Variants in DENND10 observed in about 807,000 individuals in gnomAD.
DENND10 encodes the protein DENN domain-containing protein 10.
A neutral mutation model predicts 43.6 loss-of-function variants in DENND10; 24 were observed. The observed-to-expected ratio is 0.55, with a 90% confidence interval of 0.40 to 0.77. The LOEUF (loss-of-function observed/expected upper bound fraction) is 0.77, where lower values mean the gene tolerates loss of function less well. Ranked by LOEUF, DENND10 falls within the 30% of genes least tolerant of loss-of-function variation. The pLI is 0.00. For missense variants in DENND10, 303 were observed against 429.9 expected, an observed-to-expected ratio of 0.70 and a Z score of 2.61; for synonymous variants, 125 against 157.6, an observed-to-expected ratio of 0.79 and a Z score of 1.55.
chr10:119,122,090 T>C (rs1289843437), intron 5 of DENND10, among the ~76,000 whole-genome samples: 1 of 152,058 alleles, frequency 6.6e-6, no homozygotes, highest in Non-Finnish European at 1.5e-5. Context: ...GCAGATTGCC[T>C]GAGACCAGAA....
chr10:119,108,626 G>A (rs904881535), intron 2 of DENND10, among the ~76,000 whole-genome samples: 5 of 152,004 alleles, frequency 3.3e-5, no homozygotes, highest in African/African-American at 1.2e-4. Flanking sequence ...GTGGTGAGCA[G>A]TACAGCAATA....
chr10:119,123,523 C>G lies in DENND10; in HGVS notation c.648C>G (p.Tyr216Ter), dbSNP rs1369437569. Residue 216 changes from tyrosine to a stop codon, truncating the protein, a stop_gained, in exon 6 of 9, where the codon TAC (tyrosine) becomes TAG (stop). Coordinates refer to ENST00000361432, the MANE Select transcript of DENND10 (RefSeq NM_207009.4). LOFTEE classifies it high-confidence loss of function. ...AGGACTGGACCATCCTTCACTCTTA[C>G]GTGCACCTCAACGCCGATGAGCTGG... ...HRQDWTILHS[Y>*]VHLNADELEA... 25 of 1,613,582 alleles carry G rather than the reference C, an allele frequency of 1.5e-5. No homozygotes were observed. The highest frequency in any genetic ancestry group is 2.0e-5 in the Non-Finnish European group (24 of 1,179,936).
intron 6 of DENND10, 143 bp from the exon 7 acceptor site, chr10:119,129,372 T>A: frequency 1.6e-6 from 1 of 623,388 alleles, no homozygotes. Flanking sequence ...GTAGTCTTAC[T>A]AACTGCCACA....
At chr10:119,104,318 C>A in intron 1 of DENND10, 121 bp downstream of exon 1, 1 of 934,490 alleles carries the variant, frequency 1.1e-6, no homozygotes, top group Non-Finnish European at 1.5e-6. Context: ...AGGGCGCGGC[C>A]CCCTCCCTGT....
chr10:119,115,572 G>A (rs562755499), intron 3 of DENND10, among the ~76,000 whole-genome samples: 3 of 128,868 alleles, frequency 2.3e-5, no homozygotes, highest in Non-Finnish European at 5.0e-5. Flanking sequence ...TGTATTTTTA[G>A]TAGAGACGGG....
At chr10:119,130,310 G>A (rs188546405) in intron 7 of DENND10, among the ~76,000 whole-genome samples, 3 of 152,182 alleles carry the variant, frequency 2.0e-5, no homozygotes, top group African/African-American at 4.8e-5. Flanking sequence ...ACAGGCACCC[G>A]CCACCGCACC....
chr10:119,136,110 C>T (rs564028171), intron 8 of DENND10, among the ~76,000 whole-genome samples: 10 of 152,162 alleles, frequency 6.6e-5, no homozygotes, highest in South Asian at 2.1e-4. Flanking sequence ...CCTGGGAGGT[C>T]GAGGCTGCAG....
chr10:119,136,396 AG>A, intron 8 of DENND10, 74 bp from the exon 9 acceptor site: 4 of 1,511,026 alleles, frequency 2.6e-6, no homozygotes, highest in Non-Finnish European at 3.6e-6. Flanking sequence ...TGGAAAAAAT[AG>A]GAAGAATTCT....
intron 6 of DENND10, among the ~76,000 whole-genome samples, chr10:119,126,771 AT>A (rs987500637): frequency 1.3e-5 from 2 of 150,240 alleles, no homozygotes; most frequent in African/African-American, 2.4e-5. Flanking sequence ...AGCCGTCTGT[AT>A]TTTTTTTTAG....
intron 3 of DENND10, among the ~76,000 whole-genome samples, chr10:119,112,493 C>CTTTT (rs1353576739): frequency 6.0e-5 from 8 of 133,500 alleles, no homozygotes; most frequent in African/African-American, 1.1e-4. Context: ...TTTTCTTTTT[C>CTTTT]TTTTTTTTTT....
At chr10:119,109,025 A>G (rs1195584699) in intron 2 of DENND10, among the ~76,000 whole-genome samples, 4 of 151,504 alleles carry the variant, frequency 2.6e-5, no homozygotes, top group Non-Finnish European at 5.9e-5. Context: ...GACCAGCCTG[A>G]CCAACATGGA....
intron 3 of DENND10, chr10:119,114,264 G>GCACGCA (rs1845132447): frequency 1.3e-5 from 2 of 150,032 alleles, no homozygotes; most frequent in South Asian, 4.2e-4. Context: ...CCAAGTATTT[G>GCACGCA]CACACACACA....
At chr10:119,105,515 T>C (rs1189483141) in intron 1 of DENND10, 3 of 1,173,610 alleles carry the variant, frequency 2.6e-6, no homozygotes, top group Non-Finnish European at 3.2e-6. Flanking sequence ...TGTATTTATT[T>C]CTAATGTGAT....
chr10:119,114,483 T>C (rs1187765872), intron 3 of DENND10: 1 of 152,264 alleles, frequency 6.6e-6, no homozygotes, highest in South Asian at 2.1e-4. Flanking sequence ...GGTTCACTGC[T>C]GTGGTCCTCT....
intron 2 of DENND10, among the ~76,000 whole-genome samples, chr10:119,108,488 AAAAAAAAAAAG>A (rs1844811101): frequency 2.5e-5 from 3 of 117,758 alleles, no homozygotes; most frequent in African/African-American, 5.8e-5. Flanking sequence ...TCTCAAAAAA[AAAAAAAAAAAG>A]AAAAGAAAAT....
intron 3 of DENND10, chr10:119,114,045 A>C (rs1418270182): frequency 6.6e-6 from 1 of 152,214 alleles, no homozygotes; most frequent in Non-Finnish European, 1.5e-5. Flanking sequence ...TCTGGAGTCC[A>C]AAAGGCAAGG....
intron 6 of DENND10, among the ~76,000 whole-genome samples, chr10:119,128,252 G>T (rs1280570375): frequency 1.3e-5 from 2 of 151,926 alleles, no homozygotes; most frequent in Non-Finnish European, 2.9e-5. Flanking sequence ...GGTGAAGGTT[G>T]CAGTAAGCCA....
rs537097038 is a variant in DENND10 at position 119,119,091 on chromosome 10, G to A, written c.482-1250G>A. Among the ~76,000 whole-genome samples the A allele has an allele frequency of 3.3e-5, 5 of 150,836 alleles. No individual in the cohort carries two copies. In the South Asian group the frequency reaches 6.3e-4, roughly 19 times the overall value. On this transcript the variant is annotated intron_variant, in intron 4 of 8. Transcript: ENST00000361432. ...CTGGGTGGCGCGATCTTGGCTCACC[G>A]CATCCTCCGCCTCCTGGGTTCAAGT...
chr10:119,120,250 A>G, intron 4 of DENND10, 91 bp from the exon 5 acceptor site: 2 of 822,730 alleles, frequency 2.4e-6, no homozygotes, highest in Non-Finnish European at 3.8e-6. Flanking sequence ...TCGGTCTCAA[A>G]AAAAAAAGAA....
Sources: gnomAD v4.1 joint callset for allele counts (sites outside exome capture counted in the v4.1 genomes callset) on GRCh38, gnomAD v4.1.1 for gene constraint, MANE v1.5 for transcripts, NCBI Gene and HGNC (gene_info 2026-07-23, HGNC 2026-07-21) for gene names.